The following ABLIM2 variants were observed in gnomAD, a reference collection of about 807,000 sequenced individuals.
ABLIM2 encodes the protein actin binding LIM protein family member 2, also known as actin-binding LIM protein 2.
In ABLIM2, 53 loss-of-function variants were observed where a neutral mutation model predicts 97.7. That is an observed-to-expected ratio of 0.54 (90% confidence interval 0.44 to 0.68). The LOEUF (loss-of-function observed/expected upper bound fraction) is 0.68. Among genes scored for constraint, ABLIM2 ranks in the 30% least tolerant of loss-of-function variants. The pLI is 0.00. For synonymous variants in ABLIM2, 361 were observed against 345.8 expected (o/e 1.04, Z -0.49); for missense variants, 835 against 867.2 (o/e 0.96, Z 0.47).
chr4:8,054,286 T>G lies in ABLIM2; in HGVS notation c.764-40A>C, dbSNP rs1213979113. ...CCAAGAGGGAAATGATTAGAGTTAT[T>G]TCCCATGTTGCAGGGGCCTGTGTGG... On this transcript the variant is annotated intron_variant, in intron 7 of 20. Transcript: ENST00000447017. The surrounding 1 kb of genome is among the most constrained non-coding windows in gnomAD (Gnocchi z 4.9). 10 of 1,609,348 alleles carry G rather than the reference T, an allele frequency of 6.2e-6. No individual in the cohort carries two copies. The highest frequency in any genetic ancestry group is 8.5e-6 in the Non-Finnish European group (10 of 1,176,136).
At position 8,015,362 on chromosome 4, in the gene ABLIM2, A is replaced by G. The variant is rs1303786168; in HGVS notation, c.1423+4256T>C. The stretch of plus-strand genomic sequence containing the variant: ...TGAGGAACCCTCTAGGGAGAGGCTG[A>G]GTTCCTACTCCCCGGCTCCCCTGGG... On this transcript the variant is annotated intron_variant, in intron 14 of 20. Transcript: ENST00000447017. This position sits in a 1 kb window ranked among gnomAD's most constrained non-coding sequence, Gnocchi z 4.6. Among the ~76,000 whole-genome samples the G allele has an allele frequency of 6.6e-6, 1 of 152,002 alleles. No individual in the cohort carries two copies. The highest frequency in any genetic ancestry group is 1.5e-5 in the Non-Finnish European group (1 of 68,002).
rs916999762 is a variant in ABLIM2 at position 8,075,025 on chromosome 4, C to G, written c.675+2603G>C. On this transcript the variant is annotated intron_variant, in intron 6 of 20. Coordinates refer to ENST00000447017, the MANE Select transcript of ABLIM2 (RefSeq NM_001130083.2). The surrounding 1 kb of genome is among the most constrained non-coding windows in gnomAD (Gnocchi z 4.4). ...GGTCTTGAACTCCTGACCTCGTGAT[C>G]CGCCTGCCTCAGCCTCCCAAAGTGC... Among the ~76,000 whole-genome samples the G allele has an allele frequency of 5.3e-5, 8 of 152,126 alleles. No individual in the cohort carries two copies. Among genetic ancestry groups the G allele is most frequent in the African/African-American group, 1.9e-4 (8 of 41,434 alleles).
intron 3 of ABLIM2, among the ~76,000 whole-genome samples, chr4:8,093,199 G>T (rs1829792220): frequency 6.6e-6 from 1 of 152,148 alleles, no homozygotes; most frequent in Non-Finnish European, 1.5e-5. Context: ...ATTGAGTTGT[G>T]AATAATCAAT....
intron 3 of ABLIM2, among the ~76,000 whole-genome samples, chr4:8,091,304 A>ATT (rs1484126834): frequency 2.9e-5 from 1 of 34,976 alleles, no homozygotes; most frequent in Non-Finnish European, 4.8e-5. Context: ...TATATATTAT[A>ATT]TTATATATAT....
At position 8,008,985 on chromosome 4, in the gene ABLIM2, C is replaced by G. The variant is rs142910905; in HGVS notation, c.1476+65G>C. ...AGATTCGAAGTCTCAATCGGAGAAG[C>G]CCTCACAAAAGCAATTTCTTTCTGA... is the stretch of plus-strand genomic sequence containing the variant. On this transcript the variant is annotated intron_variant, in intron 15 of 20. Transcript: ENST00000447017. 7,386 of 1,572,656 alleles carry G rather than the reference C, an allele frequency of 4.7e-3. 28 individuals carry two copies. Among genetic ancestry groups the G allele is most frequent in the Non-Finnish European group, 5.8e-3 (6,612 of 1,142,582 alleles).
chr4:8,137,717 C>A (rs1414368292), intron 1 of ABLIM2, among the ~76,000 whole-genome samples: 2 of 152,252 alleles, frequency 1.3e-5, no homozygotes, highest in Non-Finnish European at 2.9e-5. Flanking sequence ...AATGCCCCCA[C>A]CAAGTGTCAA....
chr4:8,133,578 A>G (rs1339229062), intron 1 of ABLIM2, among the ~76,000 whole-genome samples: 1 of 152,156 alleles, frequency 6.6e-6, no homozygotes, highest in Non-Finnish European at 1.5e-5. Context: ...GTTGAGAGCA[A>G]ACCCCTGGTT....
At chr4:8,097,486 G>A (rs1014731136) in intron 2 of ABLIM2, among the ~76,000 whole-genome samples, 1 of 152,230 alleles carries the variant, frequency 6.6e-6, no homozygotes. Flanking sequence ...GCCTGGTGGT[G>A]AGTGGACTTT....
rs1046967662 is a variant in ABLIM2, at chr4:8,128,824, G to A, written c.11-22187C>T. On this transcript the variant is annotated intron_variant, in intron 1 of 20. Coordinates refer to ENST00000447017, the MANE Select transcript of ABLIM2 (RefSeq NM_001130083.2). The surrounding 1 kb of genome is among the most constrained non-coding windows in gnomAD (Gnocchi z 4.9). Reference sequence around the variant, plus strand: ...GTAAGAAGAGGCCAGAGGCTGCCTCGCTCTTTCTACCACATGAGGGTGCGA... The same window carrying A: ...GTAAGAAGAGGCCAGAGGCTGCCTCACTCTTTCTACCACATGAGGGTGCGA... Among the ~76,000 whole-genome samples the A allele has an allele frequency of 3.3e-5, 5 of 152,146 alleles. No individual in the cohort carries two copies. Among genetic ancestry groups the A allele is most frequent in the Non-Finnish European group, 5.9e-5 (4 of 68,006 alleles).
chr4:8,002,123 T>C lies in ABLIM2; in HGVS notation c.1618+5936A>G, dbSNP rs908047056. On this transcript the variant is annotated intron_variant, in intron 16 of 20. Transcript: ENST00000447017. The surrounding 1 kb of genome is among the most constrained non-coding windows in gnomAD (Gnocchi z 6.1). ...AGTTGGAGTGGCTGGGGCTACCAAC[T>C]CCCACGGTTCCAGTCCCATCTGGGA... Among the ~76,000 whole-genome samples the C allele has an allele frequency of 5.3e-5, 8 of 151,920 alleles. No homozygotes were observed. Among genetic ancestry groups the C allele is most frequent in the African/African-American group, 1.9e-4 (8 of 41,342 alleles).
rs980463579 is a variant in ABLIM2 at position 8,088,562 on chromosome 4, A to G, written c.339-278T>C. ...TGGTGGTGAGGACCAGCTGAGGGCCAGCCCAGTGCTTGGCACATGGCAACA... is the reference window on the plus strand; with the variant it reads ...TGGTGGTGAGGACCAGCTGAGGGCCGGCCCAGTGCTTGGCACATGGCAACA... On this transcript the variant is annotated intron_variant, in intron 3 of 20. Transcript: ENST00000447017. 4.6e-5 allele frequency among the ~76,000 whole-genome samples: 7 copies of G among 152,260 alleles called. No homozygotes were observed. In the South Asian group the frequency reaches 1.4e-3, roughly 31 times the overall value.
rs55974618 is a variant in ABLIM2, at chr4:8,085,623, G to C, written c.454+2546C>G. On this transcript the variant is annotated intron_variant, in intron 4 of 20. Transcript: ENST00000447017. The surrounding 1 kb of genome is among the most constrained non-coding windows in gnomAD (Gnocchi z 6.1). The stretch of plus-strand genomic sequence containing the variant: ...GGGTCTGGGGGGTGCCCACGCTGCA[G>C]CCCTGTCCACTCACGCAGGTCTGGG... 0.011 allele frequency among the ~76,000 whole-genome samples: 1,574 copies of C among 148,496 alleles called. 30 individuals carry two copies. Among genetic ancestry groups the C allele is most frequent in the African/African-American group, 0.034 (1,352 of 39,786 alleles).
chr4:8,065,486 G>A (rs983026709), intron 6 of ABLIM2, among the ~76,000 whole-genome samples: 2 of 152,208 alleles, frequency 1.3e-5, no homozygotes, highest in Non-Finnish European at 2.9e-5. Context: ...AGGAGCCCTC[G>A]TGCGCTGCTG....
chr4:8,085,557 G>T lies in ABLIM2; in HGVS notation c.454+2612C>A, dbSNP rs1822957833. On this transcript the variant is annotated intron_variant, in intron 4 of 20. Coordinates refer to ENST00000447017, the MANE Select transcript of ABLIM2 (RefSeq NM_001130083.2). This position sits in a 1 kb window ranked among gnomAD's most constrained non-coding sequence, Gnocchi z 6.1. ...ACGCTGCAGCCCCGTCCACTCACATGGCTCTGGGGGTGCCCACGCTGCAGC... is the reference window on the plus strand; with the variant it reads ...ACGCTGCAGCCCCGTCCACTCACATTGCTCTGGGGGTGCCCACGCTGCAGC... Among the ~76,000 whole-genome samples, 1 of 146,092 alleles carries T rather than the reference G, an allele frequency of 6.8e-6. No individual in the cohort carries two copies. Among genetic ancestry groups the T allele is most frequent in the Non-Finnish European group, 1.5e-5 (1 of 67,046 alleles).
At position 7,966,802 on chromosome 4, in the gene ABLIM2, G is replaced by GGTGGTC; in HGVS notation, c.*187_*188insGACCAC. 1.8e-6 allele frequency: 1 copy of GGTGGTC among 570,592 alleles called. No individual in the cohort carries two copies. The highest frequency in any genetic ancestry group is 2.3e-5 in the South Asian group (1 of 43,160). The allele number at this position is 570,592 out of a possible 1,614,324, so 35.3% of individuals were successfully genotyped here. A position where few individuals can be genotyped will look rare whatever the true frequency, so the allele number is the denominator to read the frequency against. Reference sequence around the variant, plus strand: ...AGGGTGGCGTGAAGCTAGCCGTCTCGGCCCTAAACTACCGGCAGGAGTGTC... The same window carrying GGTGGTC: ...AGGGTGGCGTGAAGCTAGCCGTCTCGGTGGTCGCCCTAAACTACCGGCAGGAGTGTC... On this transcript the variant is annotated 3_prime_UTR_variant, in exon 21 of 21. Coordinates refer to ENST00000447017, the MANE Select transcript of ABLIM2 (RefSeq NM_001130083.2).
At chr4:8,151,438 G>C (rs930776760) in intron 1 of ABLIM2, among the ~76,000 whole-genome samples, 3 of 152,138 alleles carry the variant, frequency 2.0e-5, no homozygotes, top group African/African-American at 7.2e-5. Context: ...CTCCTAGCTC[G>C]AGCTCCAGGC....
In ABLIM2 at chr4:8,001,375, G is replaced by A. The variant is rs1757076615; in HGVS notation, c.1618+6684C>T. ...TCCCTAGGTGTGGATAAGCCTGCTGGGCAGGGGGAGGTGTGGGGATTCCGG... is the reference window on the plus strand; with the variant it reads ...TCCCTAGGTGTGGATAAGCCTGCTGAGCAGGGGGAGGTGTGGGGATTCCGG... On this transcript the variant is annotated intron_variant, in intron 16 of 20. Transcript: ENST00000447017. The surrounding 1 kb of genome is among the most constrained non-coding windows in gnomAD (Gnocchi z 4.2). Among the ~76,000 whole-genome samples, 1 of 152,164 alleles carries A rather than the reference G, an allele frequency of 6.6e-6. No individual in the cohort carries two copies. The highest frequency in any genetic ancestry group is 2.4e-5 in the African/African-American group (1 of 41,440).
chr4:8,156,669 G>T (rs1288928991), intron 1 of ABLIM2, among the ~76,000 whole-genome samples: 2 of 152,260 alleles, frequency 1.3e-5, no homozygotes, highest in Non-Finnish European at 2.9e-5. Flanking sequence ...ACCAGATGAT[G>T]CTCAGCCACT....
intron 10 of ABLIM2, among the ~76,000 whole-genome samples, chr4:8,030,726 C>T (rs956031461): frequency 3.3e-5 from 5 of 152,256 alleles, no homozygotes; most frequent in East Asian, 1.9e-4. Flanking sequence ...CTACCCCGGG[C>T]GTCCTCTGCA....
Sources: gnomAD v4.1 joint callset for allele counts (sites outside exome capture counted in the v4.1 genomes callset) on GRCh38, gnomAD v4.1.1 for gene constraint, Gnocchi (gnomAD v3.1) non-coding constraint, MANE v1.5 for transcripts, NCBI Gene and HGNC (gene_info 2026-07-23, HGNC 2026-07-21) for gene names.